SENP7: variants seen among roughly 807,000 people sequenced by gnomAD.
SENP7 encodes the protein SUMO specific peptidase 7.
A neutral mutation model predicts 141.2 loss-of-function variants in SENP7; 64 were observed. That is an observed-to-expected ratio of 0.45 (90% confidence interval 0.37 to 0.56). The LOEUF is 0.56. Ranked by LOEUF, SENP7 falls within the 20% of genes least tolerant of loss-of-function variation. The pLI is 0.00. For missense variants in SENP7, 1,025 were observed against 1,212.2 expected (o/e 0.85, Z 2.29); for synonymous variants, 382 against 426.4 (o/e 0.90, Z 1.28).
intron 20 of SENP7, 136 bp from the exon 21 acceptor site, chr3:101,328,825 T>G: frequency 3.0e-6 from 2 of 670,118 alleles, no homozygotes; most frequent in South Asian, 3.9e-5. Flanking sequence ...AAAAGTGAGC[T>G]AACTTCATTT....
At chr3:101,409,109 A>G (rs1417782791) in intron 5 of SENP7, among the ~76,000 whole-genome samples, 1 of 152,244 alleles carries the variant, frequency 6.6e-6, no homozygotes, top group Non-Finnish European at 1.5e-5. Flanking sequence ...TAATGTACAT[A>G]AATCAGCAGC....
Position 101,340,341 on chromosome 3 carries a change from C to T in SENP7, c.2241-130G>A, listed in dbSNP as rs921762815. ...AATCTGTAGGGTAAAAAACATTTGA[C>T]CAGGCATAAATAATGATATTTTCCT... On this transcript the variant is annotated intron_variant, in intron 15 of 23. Transcript: ENST00000394095. The T allele has an allele frequency of 1.6e-5, 18 of 1,117,162 alleles. No homozygotes were observed. The African/African-American group carries it at 2.8e-4, about 17-fold the overall frequency. The allele number at this position is 1,117,162 out of a possible 1,614,324, so 69.2% of individuals were successfully genotyped here.
At chr3:101,466,824 G>A (rs574202464) in intron 3 of SENP7, among the ~76,000 whole-genome samples, 3 of 152,300 alleles carry the variant, frequency 2.0e-5, no homozygotes, top group East Asian at 1.9e-4. Context: ...TCATCTCACT[G>A]GGACTGGCTG....
At chr3:101,513,212 GGAAAA>G (rs2065941709), upstream of SENP7, 1,883 of 135,740 alleles carry the variant, frequency 0.014, 120 homozygotes, top group African/African-American at 0.047. Flanking sequence ...GGAGGGGAAA[GGAAAA>G]AAAAAAAAAA....
chr3:101,417,692 T>A lies in SENP7; in HGVS notation c.383A>T (p.Asn128Ile). 1 of 1,613,976 alleles carries A rather than the reference T, an allele frequency of 6.2e-7. No individual in the cohort carries two copies. Among genetic ancestry groups the A allele is most frequent in the Non-Finnish European group, 8.5e-7 (1 of 1,179,824 alleles). The change falls in exon 5 of 24, where the codon AAC becomes ATC. Residue 128 changes from asparagine to isoleucine, a missense_variant. By Grantham distance (149) the Asn-to-Ile change is moderately radical. This residue lies in a region of SENP7 where 496 missense variants were observed against 503.5 expected (regional missense o/e 0.99). Coordinates refer to ENST00000394095, the MANE Select transcript of SENP7 (RefSeq NM_020654.5). The stretch of plus-strand genomic sequence containing the variant: ...AGGCAATGAGTCTGATTGCACCTTG[T>A]TGGCATCACATAAATTAGCATCGTT... ...PRNDANLCDANKVQSDSLPST... is the reference protein window; with the variant it reads ...PRNDANLCDAIKVQSDSLPST...
chr3:101,390,050 T>A (rs1559757426), intron 6 of SENP7, among the ~76,000 whole-genome samples: 1 of 151,768 alleles, frequency 6.6e-6, no homozygotes, highest in Non-Finnish European at 1.5e-5. Flanking sequence ...TGAAACCCCA[T>A]CTCTACTAAA....
At position 101,513,198 on chromosome 3, in the gene SENP7, A is replaced by G. The variant is rs1187166481; in HGVS notation, c.-68T>C. 5.4e-3 allele frequency: 1,481 copies of G among 273,882 alleles called. 2 individuals carry two copies. The highest frequency in any genetic ancestry group is 7.6e-3 in the Non-Finnish European group (1,063 of 140,056). The allele number at this position is 273,882 out of a possible 1,614,324, so 17.0% of individuals were successfully genotyped here. A position where few individuals can be genotyped will look rare whatever the true frequency, so the allele number is the denominator to read the frequency against. On this transcript the variant is annotated 5_prime_UTR_variant, in exon 1 of 24. Coordinates refer to ENST00000394095, the MANE Select transcript of SENP7 (RefSeq NM_020654.5). ...CAGGACCCCTCCGGCTTGGAGAGGGAGGGGGAGGGGAAAGGAAAAAAAAAA... is the reference window on the plus strand; with the variant it reads ...CAGGACCCCTCCGGCTTGGAGAGGGGGGGGGAGGGGAAAGGAAAAAAAAAA...
At chr3:101,471,980 A>G (rs369856466) in intron 3 of SENP7, among the ~76,000 whole-genome samples, 1 of 152,254 alleles carries the variant, frequency 6.6e-6, no homozygotes, top group African/African-American at 2.4e-5. Context: ...TACAATGGCA[A>G]TCATTAAAAA....
At chr3:101,469,377 T>C (rs1016590064) in intron 3 of SENP7, among the ~76,000 whole-genome samples, 5 of 152,078 alleles carry the variant, frequency 3.3e-5, no homozygotes, top group Non-Finnish European at 5.9e-5. Flanking sequence ...ATCCAGGACT[T>C]GAACTCAGCT....
At chr3:101,459,150 CA>C (rs1170578619) in intron 3 of SENP7, 98 bp from the exon 4 acceptor site, 5 of 615,546 alleles carry the variant, frequency 8.1e-6, no homozygotes, top group African/African-American at 1.9e-5. Context: ...TATAAACGAT[CA>C]AATACATAGT....
intron 9 of SENP7, 31 bp from the exon 10 acceptor site, chr3:101,365,022 T>TTATG (rs1293847253): frequency 6.7e-6 from 8 of 1,193,006 alleles, no homozygotes; most frequent in Non-Finnish European, 7.7e-6. Flanking sequence ...GTATTTTTGT[T>TTATG]TATTTATTTA....
intron 12 of SENP7, among the ~76,000 whole-genome samples, chr3:101,348,555 A>G (rs573150907): frequency 4.0e-4 from 61 of 152,262 alleles, no homozygotes; most frequent in Admixed American, 3.7e-3. Flanking sequence ...TCATAGGCCA[A>G]TTCCTGCCCA....
At chr3:101,350,865 T>C (rs1027991707) in intron 12 of SENP7, among the ~76,000 whole-genome samples, 3 of 151,910 alleles carry the variant, frequency 2.0e-5, no homozygotes, top group African/African-American at 7.2e-5. Flanking sequence ...ATATTCTTAA[T>C]ACTTAATTAA....
chr3:101,513,023 C>T, intron 1 of SENP7, 68 bp downstream of exon 1: 1 of 1,481,114 alleles, frequency 6.8e-7, no homozygotes, highest in South Asian at 1.4e-5. Context: ...ACCCCAGCTG[C>T]CGCCTGCGCC....
At chr3:101,440,646 G>T (rs550107013) in intron 4 of SENP7, among the ~76,000 whole-genome samples, 1 of 148,024 alleles carries the variant, frequency 6.8e-6, no homozygotes, top group Non-Finnish European at 1.5e-5. Context: ...CAATGAAGGA[G>T]AGAAAGTTTT....
At chr3:101,424,783 G>T (rs1247080200) in intron 4 of SENP7, among the ~76,000 whole-genome samples, 1 of 152,146 alleles carries the variant, frequency 6.6e-6, no homozygotes, top group African/African-American at 2.4e-5. Flanking sequence ...GCACCCATTA[G>T]CACCTTGCCA....
At chr3:101,419,641 AG>A (rs2061728852) in intron 4 of SENP7, among the ~76,000 whole-genome samples, 2 of 152,182 alleles carry the variant, frequency 1.3e-5, no homozygotes, top group African/African-American at 4.8e-5. Context: ...GAAGCAGGAA[AG>A]GGTTTTTAGT....
In SENP7 at chr3:101,348,134, A is replaced by G. The variant is rs1346002164; in HGVS notation, c.1658-83T>C. The G allele has an allele frequency of 3.6e-6, 3 of 842,980 alleles. No individual in the cohort carries two copies. The Admixed American group carries it at 9.1e-5, about 25-fold the overall frequency. The allele number at this position is 842,980 out of a possible 1,614,324, so 52.2% of individuals were successfully genotyped here. A position where few individuals can be genotyped will look rare whatever the true frequency, so the allele number is the denominator to read the frequency against. Reference sequence around the variant, plus strand: ...TAAACATTATATGACACTTGTTAATACACTACTTTTTTTAAAAAAAAGAGA... The same window carrying G: ...TAAACATTATATGACACTTGTTAATGCACTACTTTTTTTAAAAAAAAGAGA... On this transcript the variant is annotated intron_variant, in intron 12 of 23. Coordinates refer to ENST00000394095, the MANE Select transcript of SENP7 (RefSeq NM_020654.5).
At chr3:101,501,009 A>G in intron 2 of SENP7, 61 bp downstream of exon 2, 1 of 1,166,120 alleles carries the variant, frequency 8.6e-7, no homozygotes, top group Non-Finnish European at 1.3e-6. Flanking sequence ...GACAAACAGC[A>G]AAATACTTTC....
Sources: allele counts gnomAD v4.1 joint callset (sites outside exome capture counted in the v4.1 genomes callset), GRCh38; gene constraint gnomAD v4.1.1; regional missense constraint gnomAD v4.1.1; transcripts MANE v1.5; gene names NCBI Gene and HGNC (gene_info 2026-07-23, HGNC 2026-07-21).